The following BCL2 variants were observed in gnomAD, a reference collection of about 807,000 sequenced individuals.
The protein encoded by BCL2 is apoptosis regulator Bcl-2.
Under a neutral mutation model 14.2 loss-of-function variants are expected in BCL2, and 1 was observed. That is an observed-to-expected ratio of 0.07 (90% confidence interval 0.02 to 0.33). The LOEUF (loss-of-function observed/expected upper bound fraction) is 0.33. Among genes scored for constraint, BCL2 ranks in the 10% least tolerant of loss-of-function variants. The pLI, the probability that BCL2 is intolerant of heterozygous loss-of-function variation, is 0.99. For synonymous variants in BCL2, 151 were observed against 137.2 expected, an observed-to-expected ratio of 1.10 and a Z score of -0.70; for missense variants, 247 against 305.9, an observed-to-expected ratio of 0.81 and a Z score of 1.44.
intron 2 of BCL2, among the ~76,000 whole-genome samples, chr18:63,165,042 G>A (rs1018061874): frequency 6.6e-6 from 1 of 152,102 alleles, no homozygotes; most frequent in Non-Finnish European, 1.5e-5. Flanking sequence ...TGCACATTGT[G>A]CACATGTACC....
Position 63,125,562 on chromosome 18 carries a change from C to A in BCL2, c.*3063G>T. 1 of 214,830 alleles carries A rather than the reference C, an allele frequency of 4.7e-6. No individual in the cohort carries two copies. Among genetic ancestry groups the A allele is most frequent in the East Asian group, 6.8e-5 (1 of 14,636 alleles). The allele number at this position is 214,830 out of a possible 1,614,324, so 13.3% of individuals were successfully genotyped here. On this transcript the variant is annotated 3_prime_UTR_variant, in exon 3 of 3. Transcript: ENST00000333681. ...TGGCCAGTGTAAAGAGGAGTACATACAGAGGACTGTTTTTTCATTCATAAA... is the reference window on the plus strand; with the variant it reads ...TGGCCAGTGTAAAGAGGAGTACATAAAGAGGACTGTTTTTTCATTCATAAA...
At chr18:63,312,684 C>T (rs1913367051) in intron 2 of BCL2, among the ~76,000 whole-genome samples, 1 of 151,898 alleles carries the variant, frequency 6.6e-6, no homozygotes, top group Admixed American at 6.6e-5. Flanking sequence ...GCTTTTTTTT[C>T]CCCTGCTCAA....
chr18:63,136,803 T>C (rs1178044322), intron 2 of BCL2, among the ~76,000 whole-genome samples: 11 of 152,188 alleles, frequency 7.2e-5, no homozygotes, highest in Admixed American at 7.2e-4. Context: ...CCAGCACTCC[T>C]AGCTGGCCAT....
At chr18:63,131,960 C>T (rs1914079046) in intron 2 of BCL2, among the ~76,000 whole-genome samples, 2 of 152,188 alleles carry the variant, frequency 1.3e-5, no homozygotes, top group Non-Finnish European at 2.9e-5. Flanking sequence ...TCCCTCTCAC[C>T]ACCCTCACCC....
At chr18:63,212,151 C>G (rs546534932) in intron 2 of BCL2, among the ~76,000 whole-genome samples, 1 of 148,952 alleles carries the variant, frequency 6.7e-6, no homozygotes, top group East Asian at 2.0e-4. Context: ...CATGGTGAAA[C>G]CCCGTCTCTA....
chr18:63,206,731 C>T (rs1909846691), intron 2 of BCL2, among the ~76,000 whole-genome samples: 2 of 151,950 alleles, frequency 1.3e-5, no homozygotes, highest in African/African-American at 4.8e-5. Context: ...GAGAGTGACA[C>T]TGATCGGACA....
At chr18:63,164,160 C>T (rs749873642) in intron 2 of BCL2, among the ~76,000 whole-genome samples, 14 of 152,122 alleles carry the variant, frequency 9.2e-5, no homozygotes, top group Admixed American at 5.9e-4. Context: ...TCTTCCAGTC[C>T]GCCCTCAGGA....
intron 2 of BCL2, among the ~76,000 whole-genome samples, chr18:63,170,664 T>G (rs1277215808): frequency 2.6e-5 from 4 of 152,242 alleles, no homozygotes; most frequent in African/African-American, 9.6e-5. Flanking sequence ...CAAATTTTCC[T>G]TGTGTCTGCC....
intron 2 of BCL2, among the ~76,000 whole-genome samples, chr18:63,178,645 C>T (rs1452959512): frequency 6.6e-6 from 1 of 152,138 alleles, no homozygotes; most frequent in African/African-American, 2.4e-5. Context: ...CCCAGACTCA[C>T]TTGGGTCTGA....
chr18:63,167,046 G>C (rs1915063574), intron 2 of BCL2, among the ~76,000 whole-genome samples: 1 of 152,204 alleles, frequency 6.6e-6, no homozygotes, highest in Admixed American at 6.5e-5. Context: ...TGCTGGAGTA[G>C]AGGGATGTGG....
intron 2 of BCL2, among the ~76,000 whole-genome samples, chr18:63,158,315 A>G (rs2144615880): frequency 6.6e-6 from 1 of 152,284 alleles, no homozygotes; most frequent in East Asian, 1.9e-4. Context: ...TCCTTCTGCC[A>G]AGGCAGAAAT....
chr18:63,237,510 G>A (rs182247436), intron 2 of BCL2, among the ~76,000 whole-genome samples: 69 of 152,260 alleles, frequency 4.5e-4, no homozygotes, highest in South Asian at 3.1e-3. Context: ...CTCCTCCCAA[G>A]GCATATGATT....
intron 2 of BCL2, among the ~76,000 whole-genome samples, chr18:63,267,935 A>G (rs1162029919): frequency 2.0e-5 from 3 of 152,046 alleles, no homozygotes; most frequent in East Asian, 1.9e-4. Flanking sequence ...AAATATAATA[A>G]AAGTCTTTAC....
chr18:63,150,081 C>T (rs575626078), intron 2 of BCL2, among the ~76,000 whole-genome samples: 1 of 152,300 alleles, frequency 6.6e-6, no homozygotes, highest in South Asian at 2.1e-4. Flanking sequence ...TGGGGTTTCA[C>T]CATGTTGGCC....
In BCL2 at chr18:63,319,677, C is replaced by T. The variant is rs557378066; in HGVS notation, c.-790G>A. ...AAACTCCGAACAGCAAATGCATTTT[C>T]CGAAAAGCTGCTGGATAAATGAAGG... is the stretch of plus-strand genomic sequence containing the variant. On this transcript the variant is annotated 5_prime_UTR_variant, in exon 1 of 3. Coordinates refer to ENST00000333681, the MANE Select transcript of BCL2 (RefSeq NM_000633.3). 4.6e-6 allele frequency: 1 copy of T among 219,300 alleles called. No individual in the cohort carries two copies. Among genetic ancestry groups the T allele is most frequent in the Non-Finnish European group, 9.2e-6 (1 of 109,162 alleles). 13.6% of individuals were successfully genotyped at this position (219,300 alleles called of 1,614,324 possible). A position where few individuals can be genotyped will look rare whatever the true frequency, so the allele number is the denominator to read the frequency against.
At chr18:63,260,240 A>G (rs545799626) in intron 2 of BCL2, among the ~76,000 whole-genome samples, 1 of 152,284 alleles carries the variant, frequency 6.6e-6, no homozygotes, top group East Asian at 1.9e-4. Context: ...TCCTCATTCC[A>G]TACATACACA....
chr18:63,189,604 C>T (rs1915670748), intron 2 of BCL2, among the ~76,000 whole-genome samples: 1 of 152,028 alleles, frequency 6.6e-6, no homozygotes, highest in African/African-American at 2.4e-5. Flanking sequence ...CACTAGGGGG[C>T]TTTTCATACA....
chr18:63,245,045 C>T (rs1448282896), intron 2 of BCL2, among the ~76,000 whole-genome samples: 2 of 152,184 alleles, frequency 1.3e-5, no homozygotes, highest in Non-Finnish European at 2.9e-5. Flanking sequence ...TTCTGTTTTC[C>T]ATAAGGAATG....
Position 63,318,284 on chromosome 18 carries a change from C to T in BCL2, c.383G>A (p.Gly128Glu). ...CTCCTCCACCACCGTGGCAAAGCGTCCCCGCGCGGTGAAGGGCGTCAGGTG... is the reference window on the plus strand; with the variant it reads ...CTCCTCCACCACCGTGGCAAAGCGTTCCCGCGCGGTGAAGGGCGTCAGGTG... ...QLHLTPFTAR[G>E]RFATVVEELF... is the part of the protein sequence containing the mutation. Residue 128 changes from glycine (G) to glutamate (E), a missense_variant, in exon 2 of 3, where the codon GGA (glycine) becomes GAA (glutamate). Around this residue, in one of 3 missense-constraint regions of BCL2, gnomAD observed 67 missense variants for 145.7 expected, o/e 0.46. Transcript: ENST00000333681. The surrounding 1 kb of genome is among the most constrained non-coding windows in gnomAD (Gnocchi z 7.4). The T allele has an allele frequency of 6.2e-7, 1 of 1,614,178 alleles. No homozygotes were observed. Among genetic ancestry groups the T allele is most frequent in the Non-Finnish European group, 8.5e-7 (1 of 1,180,032 alleles).
Sources: allele counts gnomAD v4.1 joint callset (sites outside exome capture counted in the v4.1 genomes callset), GRCh38; gene constraint gnomAD v4.1.1; regional missense constraint gnomAD v4.1.1; non-coding constraint Gnocchi (gnomAD v3.1); transcripts MANE v1.5; gene names NCBI Gene and HGNC (gene_info 2026-07-23, HGNC 2026-07-21).